Variants in DACH1 observed in about 807,000 individuals in gnomAD.
DACH1 encodes dachshund family transcription factor 1.
Under a neutral mutation model 54.2 loss-of-function variants are expected in DACH1, and 12 were observed. The ratio of observed to expected loss-of-function variants is 0.22; its 90% CI spans 0.14 to 0.36. DACH1 has a LOEUF of 0.36. Ranked by LOEUF, DACH1 falls within the 10% of genes least tolerant of loss-of-function variation. DACH1 has a pLI of 1.00. For synonymous variants in DACH1, 386 were observed against 366.2 expected (o/e 1.05, Z -0.62); for missense variants, 805 against 929.8 (o/e 0.87, Z 1.75).
Position 71,717,566 on chromosome 13 carries a change from C to T in DACH1, c.849-35656G>A, listed in dbSNP as rs571633433. 1.1e-4 allele frequency among the ~76,000 whole-genome samples: 16 copies of T among 151,222 alleles called. No individual in the cohort carries two copies. The South Asian group carries it at 3.3e-3, about 31-fold the overall frequency. On this transcript the variant is annotated intron_variant, in intron 1 of 10. Transcript: ENST00000613252. ...CACATTAATTCTATGCCTCTATGCC[C>T]GCTTAGATTTGTTTCTTATTTACAC...
rs398023338 is a variant in DACH1 at position 71,692,506 on chromosome 13, C to CTTTTTTTTTTTTTTTTTTTTT, written c.849-10617_849-10597dup. On this transcript the variant is annotated intron_variant, in intron 1 of 10. Transcript: ENST00000613252. The stretch of plus-strand genomic sequence containing the variant: ...CCTTTCTTTTTCTTTCTTTTCTTTC[C>CTTTTTTTTTTTTTTTTTTTTT]TTTTTTTTTTTTTTTTTTTTTTTTT... 1.6e-4 allele frequency among the ~76,000 whole-genome samples: 7 copies of CTTTTTTTTTTTTTTTTTTTTT among 44,438 alleles called. 1 individual carries two copies. The highest frequency in any genetic ancestry group is 7.2e-4 in the African/African-American group (6 of 8,332). 29.2% of individuals were successfully genotyped at this position (44,438 alleles called of 152,430 possible). A position where few individuals can be genotyped will look rare whatever the true frequency, so the allele number is the denominator to read the frequency against.
chr13:71,632,669 CTT>C (rs1877200378), intron 2 of DACH1, among the ~76,000 whole-genome samples: 1 of 152,032 alleles, frequency 6.6e-6, no homozygotes, highest in Non-Finnish European at 1.5e-5. Context: ...TAGAAGAAGA[CTT>C]CACCTTTCCT....
rs939494962 is a variant in DACH1 at position 71,818,268 on chromosome 13, T to A, written c.848+47654A>T. Among the ~76,000 whole-genome samples, 3 of 152,254 alleles carry A rather than the reference T, an allele frequency of 2.0e-5. No homozygotes were observed. In the East Asian group the frequency reaches 5.8e-4, roughly 29 times the overall value. ...TATAATTAGGGAAAACAGGGTGGCC[T>A]GATAGAAAGTATGCTGGGTGCAAGT... is the stretch of plus-strand genomic sequence containing the variant. On this transcript the variant is annotated intron_variant, in intron 1 of 10. Coordinates refer to ENST00000613252, the MANE Select transcript of DACH1 (RefSeq NM_080759.6).
At chr13:71,487,115 C>T (rs539088729) in intron 7 of DACH1, among the ~76,000 whole-genome samples, 2 of 151,986 alleles carry the variant, frequency 1.3e-5, no homozygotes, top group South Asian at 4.1e-4. Context: ...CCTCCCAAAG[C>T]GCTGGGATTA....
chr13:71,588,788 G>A (rs1593944082), intron 3 of DACH1, among the ~76,000 whole-genome samples: 1 of 151,528 alleles, frequency 6.6e-6, no homozygotes, highest in African/African-American at 2.4e-5. Flanking sequence ...ATTTTACTGT[G>A]TGAAGATAAA....
At chr13:71,821,399 C>A (rs1406226582) in intron 1 of DACH1, among the ~76,000 whole-genome samples, 1 of 70,206 alleles carries the variant, frequency 1.4e-5, no homozygotes, top group Admixed American at 1.3e-4. Flanking sequence ...CCTGAGGTCC[C>A]TTCTCAGCTT....
chr13:71,586,179 C>T (rs1873248869), intron 3 of DACH1, among the ~76,000 whole-genome samples: 1 of 152,076 alleles, frequency 6.6e-6, no homozygotes, highest in African/African-American at 2.4e-5. Flanking sequence ...GGTACCAGCT[C>T]ACCAATAACT....
chr13:71,660,150 T>A (rs1415990576), intron 2 of DACH1, among the ~76,000 whole-genome samples: 1 of 152,080 alleles, frequency 6.6e-6, no homozygotes, highest in South Asian at 2.1e-4. Context: ...TAAAATCAAT[T>A]GTACATTGAG....
intron 2 of DACH1, among the ~76,000 whole-genome samples, chr13:71,670,962 G>A (rs951320223): frequency 2.0e-5 from 3 of 151,974 alleles, no homozygotes; most frequent in African/African-American, 4.8e-5. Flanking sequence ...GAATTTTGGC[G>A]ATTGGCTTCT....
intron 1 of DACH1, among the ~76,000 whole-genome samples, chr13:71,864,557 C>T (rs1471906826): frequency 6.6e-6 from 1 of 152,144 alleles, no homozygotes; most frequent in Non-Finnish European, 1.5e-5. Flanking sequence ...GAAGTTTCTG[C>T]GCAAATTTTG....
intron 7 of DACH1, among the ~76,000 whole-genome samples, chr13:71,484,165 T>A (rs919753824): frequency 1.3e-5 from 2 of 149,872 alleles, no homozygotes; most frequent in Non-Finnish European, 3.0e-5. Flanking sequence ...ATTTCTTGTG[T>A]GTGTATGTGT....
intron 2 of DACH1, among the ~76,000 whole-genome samples, chr13:71,671,637 T>A (rs537141398): frequency 6.6e-6 from 1 of 152,148 alleles, no homozygotes; most frequent in East Asian, 1.9e-4. Flanking sequence ...AATTCTAAAG[T>A]GGGAAAATTT....
Position 71,443,195 on chromosome 13 carries a change from C to G in DACH1, c.2084-2503G>C, listed in dbSNP as rs1326219023. Among the ~76,000 whole-genome samples, 3 of 151,652 alleles carry G rather than the reference C, an allele frequency of 2.0e-5. No homozygotes were observed. In the East Asian group the frequency reaches 5.8e-4, roughly 29 times the overall value. On this transcript the variant is annotated intron_variant, in intron 10 of 10. Transcript: ENST00000613252. Reference sequence around the variant, plus strand: ...GTCCATGAGATTAGCCTCAGACTGGCTAAATGCTAATAAGTTGTGTCAGAT... The same window carrying G: ...GTCCATGAGATTAGCCTCAGACTGGGTAAATGCTAATAAGTTGTGTCAGAT...
chr13:71,609,797 G>C (rs946380971), intron 3 of DACH1, among the ~76,000 whole-genome samples: 8 of 152,120 alleles, frequency 5.3e-5, no homozygotes, highest in Admixed American at 4.6e-4. Flanking sequence ...AAAGTGCTGG[G>C]ATTACAGGCG....
At chr13:71,494,239 C>T (rs750376563) in intron 6 of DACH1, among the ~76,000 whole-genome samples, 13 of 152,126 alleles carry the variant, frequency 8.5e-5, no homozygotes, top group Admixed American at 2.0e-4. Context: ...TATAAAACCA[C>T]TGCAATTTTG....
At chr13:71,782,924 A>AT (rs1421030354) in intron 1 of DACH1, among the ~76,000 whole-genome samples, 16 of 152,134 alleles carry the variant, frequency 1.1e-4, no homozygotes, top group Admixed American at 9.2e-4. Flanking sequence ...CACCAAAAAT[A>AT]TTTTTTAAAA....
intron 6 of DACH1, among the ~76,000 whole-genome samples, chr13:71,552,572 T>G (rs1262363827): frequency 6.6e-6 from 1 of 151,354 alleles, no homozygotes; most frequent in Non-Finnish European, 1.5e-5. Flanking sequence ...CTAGCGTCAG[T>G]GGACAAATGT....
At chr13:71,839,033 C>A (rs1250669059) in intron 1 of DACH1, among the ~76,000 whole-genome samples, 1 of 152,164 alleles carries the variant, frequency 6.6e-6, no homozygotes, top group Non-Finnish European at 1.5e-5. Flanking sequence ...GGTATTTCTT[C>A]GAGTCACAAT....
intron 1 of DACH1, among the ~76,000 whole-genome samples, chr13:71,707,442 G>A (rs1487856251): frequency 6.6e-6 from 1 of 152,186 alleles, no homozygotes; most frequent in Non-Finnish European, 1.5e-5. Flanking sequence ...AATGCAGATG[G>A]TGGGCTTTGG....
Sources: allele counts gnomAD v4.1 joint callset (sites outside exome capture counted in the v4.1 genomes callset), GRCh38; gene constraint gnomAD v4.1.1; transcripts MANE v1.5; gene names NCBI Gene and HGNC (gene_info 2026-07-23, HGNC 2026-07-21).